SLC25A21: variants seen among roughly 807,000 people sequenced by gnomAD.
SLC25A21 encodes mitochondrial 2-oxodicarboxylate carrier.
A neutral mutation model predicts 43.8 loss-of-function variants in SLC25A21; 47 were observed. The observed-to-expected ratio is 1.07, with a 90% CI of 0.85 to 1.37. The LOEUF is 1.37. Ranked by LOEUF, SLC25A21 falls within the 40% of genes most tolerant of loss-of-function variation. The pLI, the probability that SLC25A21 is intolerant of heterozygous loss-of-function variation, is 0.00. For synonymous variants in SLC25A21, 131 were observed against 121.3 expected, an observed-to-expected ratio of 1.08 and a Z score of -0.52; for missense variants, 352 against 350.2, an observed-to-expected ratio of 1.00 and a Z score of -0.04.
Position 37,172,325 on chromosome 14 carries a change from A to C in SLC25A21, c.26T>G (p.Leu9Ter). The C allele has an allele frequency of 1.2e-6, 2 of 1,603,426 alleles. No homozygotes were observed. The highest frequency in any genetic ancestry group is 1.7e-6 in the Non-Finnish European group (2 of 1,175,162). The change falls in exon 1 of 10, where the codon TTA becomes TGA. Residue 9 changes from leucine (L) to a stop codon, truncating the protein, a stop_gained. Transcript: ENST00000331299. LOFTEE classifies it high-confidence loss of function. MSAKPEVS[L>*]VREASRQIVA... is the part of the protein sequence containing the mutation. ...GATCTGCCGAGAAGCCTCGCGCACT[A>C]AGCTGACTTCAGGCTTGGCGGACAT...
Position 36,764,115 on chromosome 14 carries a change from A to G in SLC25A21, c.204-29542T>C, listed in dbSNP as rs11622712. 6.8e-3 allele frequency among the ~76,000 whole-genome samples: 258 copies of G among 37,824 alleles called. 8 individuals carry two copies. Among genetic ancestry groups the G allele is most frequent in the East Asian group, 0.023 (12 of 526 alleles). The allele number at this position is 37,824 out of a possible 152,430, so 24.8% of individuals were successfully genotyped here. A position where few individuals can be genotyped will look rare whatever the true frequency, so the allele number is the denominator to read the frequency against. ...AGGAAGGAAGGAAGGAAGGAAGGAA[A>G]GAAGGAAAGAAGGAAAGAAGGAAAG... On this transcript the variant is annotated intron_variant, in intron 3 of 9. Transcript: ENST00000331299.
Position 37,087,202 on chromosome 14 carries a change from A to C in SLC25A21, c.70+85079T>G, listed in dbSNP as rs193011959. Among the ~76,000 whole-genome samples, 240 of 152,280 alleles carry C rather than the reference A, an allele frequency of 1.6e-3. 1 individual carries two copies. The highest frequency in any genetic ancestry group is 2.2e-4 in the Non-Finnish European group (15 of 68,012). ...TCTGACCTGTGAATTCATTTTTTCAATCCAGTAACAATTTTGAATACATTA... is the reference window on the plus strand; with the variant it reads ...TCTGACCTGTGAATTCATTTTTTCACTCCAGTAACAATTTTGAATACATTA... On this transcript the variant is annotated intron_variant, in intron 1 of 9. Coordinates refer to ENST00000331299, the MANE Select transcript of SLC25A21 (RefSeq NM_030631.4).
intron 1 of SLC25A21, among the ~76,000 whole-genome samples, chr14:36,919,079 AAATG>A (rs1891906832): frequency 6.6e-6 from 1 of 151,870 alleles, no homozygotes; most frequent in South Asian, 2.1e-4. Flanking sequence ...CATATAAAAT[AAATG>A]AATGGATGAA....
At position 37,084,698 on chromosome 14, in the gene SLC25A21, A is replaced by C. The variant is rs1347722091; in HGVS notation, c.70+87583T>G. Among the ~76,000 whole-genome samples, 5 of 152,224 alleles carry C rather than the reference A, an allele frequency of 3.3e-5. No homozygotes were observed. In the East Asian group the frequency reaches 9.6e-4, roughly 29 times the overall value. Reference sequence around the variant, plus strand: ...GAATGCATTTCAAGAGTAAGTTCCTAATCGATTCAGAATAGTTACAAGTCA... The same window carrying C: ...GAATGCATTTCAAGAGTAAGTTCCTCATCGATTCAGAATAGTTACAAGTCA... On this transcript the variant is annotated intron_variant, in intron 1 of 9. Transcript: ENST00000331299.
chr14:36,714,927 C>T (rs1884059380), intron 6 of SLC25A21, among the ~76,000 whole-genome samples: 2 of 152,174 alleles, frequency 1.3e-5, no homozygotes, highest in Non-Finnish European at 2.9e-5. Flanking sequence ...TATCTGATTG[C>T]TTCTCTCAGC....
intron 1 of SLC25A21, among the ~76,000 whole-genome samples, chr14:37,109,618 G>T (rs1962981999): frequency 6.6e-6 from 1 of 152,088 alleles, no homozygotes; most frequent in South Asian, 2.1e-4. Flanking sequence ...AATGAATGAT[G>T]TTGTGCAGTC....
intron 4 of SLC25A21, among the ~76,000 whole-genome samples, chr14:36,732,191 T>C (rs1485830421): frequency 2.0e-5 from 3 of 152,052 alleles, no homozygotes; most frequent in Non-Finnish European, 4.4e-5. Context: ...TCTTTTTATA[T>C]ATGTTTCCTT....
chr14:36,727,464 G>A (rs1300189895), intron 5 of SLC25A21, among the ~76,000 whole-genome samples: 7 of 152,200 alleles, frequency 4.6e-5, no homozygotes, highest in African/African-American at 1.7e-4. Flanking sequence ...AAGTTGGGTG[G>A]ATGACCTGAG....
intron 9 of SLC25A21, among the ~76,000 whole-genome samples, chr14:36,681,689 A>C (rs1882270787): frequency 6.6e-6 from 1 of 152,240 alleles, no homozygotes; most frequent in South Asian, 2.1e-4. Flanking sequence ...ATGGAAAGAA[A>C]TAGAACTTGA....
chr14:36,754,314 A>G (rs547054867), intron 3 of SLC25A21, among the ~76,000 whole-genome samples: 1 of 152,282 alleles, frequency 6.6e-6, no homozygotes, highest in South Asian at 2.1e-4. Flanking sequence ...AAACTGGGAT[A>G]TCAGTTCTTC....
At chr14:36,714,741 A>G (rs1483497869) in intron 6 of SLC25A21, among the ~76,000 whole-genome samples, 2 of 152,184 alleles carry the variant, frequency 1.3e-5, no homozygotes, top group Non-Finnish European at 2.9e-5. Context: ...CCTCTCAGTA[A>G]TTGTGTGAGA....
chr14:36,679,907 T>TTGTG lies in SLC25A21; in HGVS notation c.*747_*750dup. ...GTAAATTTTATTTCATGTTTCCTAC[T>TTGTG]TGTGTTAGAAGAGATTTGGAATACC... is the stretch of plus-strand genomic sequence containing the variant. On this transcript the variant is annotated 3_prime_UTR_variant, in exon 10 of 10. Coordinates refer to ENST00000331299, the MANE Select transcript of SLC25A21 (RefSeq NM_030631.4). 1 of 953,050 alleles carries TTGTG rather than the reference T, an allele frequency of 1.0e-6. No homozygotes were observed. The highest frequency in any genetic ancestry group is 1.2e-6 in the Non-Finnish European group (1 of 800,754). The allele number at this position is 953,050 out of a possible 1,614,324, so 59.0% of individuals were successfully genotyped here.
intron 1 of SLC25A21, among the ~76,000 whole-genome samples, chr14:37,089,885 T>C (rs1962552680): frequency 6.6e-6 from 1 of 152,252 alleles, no homozygotes; most frequent in Non-Finnish European, 1.5e-5. Context: ...ACATCTTCCA[T>C]CGCACATGTG....
intron 1 of SLC25A21, among the ~76,000 whole-genome samples, chr14:37,145,286 G>A (rs1205636304): frequency 6.6e-6 from 1 of 151,730 alleles, no homozygotes; most frequent in Non-Finnish European, 1.5e-5. Context: ...TTTTTTAAGA[G>A]ATGGGGTCTC....
intron 1 of SLC25A21, among the ~76,000 whole-genome samples, chr14:36,915,584 T>G (rs1042781493): frequency 6.6e-6 from 1 of 152,126 alleles, no homozygotes; most frequent in Non-Finnish European, 1.5e-5. Context: ...CCCTCCGAAG[T>G]GAAAGGATCA....
chr14:36,937,497 G>A (rs1892453297), intron 1 of SLC25A21, among the ~76,000 whole-genome samples: 1 of 152,158 alleles, frequency 6.6e-6, no homozygotes, highest in Admixed American at 6.5e-5. Flanking sequence ...TATGTGATGT[G>A]TACATTTAAA....
chr14:36,835,976 T>C (rs189005062), intron 2 of SLC25A21, among the ~76,000 whole-genome samples: 407 of 152,328 alleles, frequency 2.7e-3, no homozygotes, highest in Middle Eastern at 6.8e-3. Flanking sequence ...CCTCCAGAGT[T>C]GGACCAAATA....
intron 1 of SLC25A21, among the ~76,000 whole-genome samples, chr14:37,140,570 T>C (rs1312635687): frequency 6.6e-6 from 1 of 152,190 alleles, no homozygotes; most frequent in Non-Finnish European, 1.5e-5. Flanking sequence ...AAAAATTTAT[T>C]GTAAAACTAG....
intron 2 of SLC25A21, among the ~76,000 whole-genome samples, chr14:36,821,900 T>C (rs17105421): frequency 0.054 from 8,231 of 152,256 alleles, 423 homozygotes; most frequent in East Asian, 0.31. Flanking sequence ...GCCTTAGCAC[T>C]GACTGAGCTC....
Sources: allele counts gnomAD v4.1 joint callset (sites outside exome capture counted in the v4.1 genomes callset), GRCh38; gene constraint gnomAD v4.1.1; transcripts MANE v1.5; gene names NCBI Gene and HGNC (gene_info 2026-07-23, HGNC 2026-07-21).